Variants in FLNA observed in about 807,000 individuals in gnomAD.
FLNA encodes the protein filamin-A.
In FLNA, 7 loss-of-function variants were observed where a neutral mutation model predicts 157.6. That is an observed-to-expected ratio of 0.04 (90% confidence interval 0.03 to 0.08). The LOEUF is 0.08. FLNA is among the 10% of genes least tolerant of loss of function. The probability of loss-of-function intolerance (pLI) is 1.00; values close to 1 mark genes in which losing one functional copy is unlikely to be tolerated. For synonymous variants in FLNA, 1,103 were observed against 1,060.8 expected (o/e 1.04, Z -0.77); for missense variants, 1,750 against 2,398.4 (o/e 0.73, Z 5.65).
At chrX:154,363,575 G>C (rs782175003) in intron 15 of FLNA, among the ~76,000 whole-genome samples, 1 of 110,158 alleles carries the variant, frequency 9.1e-6, no homozygotes, top group Non-Finnish European at 1.9e-5. Context: ...TTAGCCGGGG[G>C]GGTGGCGGGC....
In FLNA at chrX:154,354,174, C is replaced by T. The variant is rs782193125; in HGVS notation, c.5534G>A (p.Arg1845His). Residue 1845 changes from arginine (R) to histidine (H), a missense_variant, in exon 34 of 48, where the codon CGC becomes CAC. Coordinates refer to ENST00000369850, the MANE Select transcript of FLNA (RefSeq NM_001110556.2). ...ACCTGGGATGTGCATGTTGTCATAG[C>T]GGATGTCCATCTCGTGCAGGCCAGC... ...SEAGLHEMDI[R>H]YDNMHIPGSP... is the part of the protein sequence containing the mutation. 73 of 1,210,753 alleles carry T rather than the reference C, an allele frequency of 6.0e-5. No individual in the cohort carries two copies. Among genetic ancestry groups the T allele is most frequent in the East Asian group, 3.0e-5 (1 of 33,800 alleles).
intron 1 of FLNA, 82 bp downstream of exon 1, chrX:154,374,424 T>A (rs1557180952): frequency 8.9e-6 from 1 of 112,632 alleles, no homozygotes; most frequent in East Asian, 2.8e-4. Context: ...CCGGCCTCTC[T>A]GCCCGCCTTC....
rs144968452 is a variant in FLNA at position 154,359,975 on chromosome X, G to A, written c.3805+15C>T. The A allele has an allele frequency of 4.4e-3, 5,294 of 1,204,116 alleles. 149 individuals are homozygous for A. The African/African-American group carries it at 0.079, about 18-fold the overall frequency. On this transcript the variant is annotated intron_variant, in intron 22 of 47. Transcript: ENST00000369850. ...CCCTGTCCCCCGTCACATACCCCAC[G>A]GCAGGGCAACTCACCCTGGCCCTCA... is the stretch of plus-strand genomic sequence containing the variant.
At chrX:154,365,876 G>C (rs973546014) in intron 9 of FLNA, 148 bp downstream of exon 9, 29 of 489,411 alleles carry the variant, frequency 5.9e-5, no homozygotes, top group African/African-American at 5.5e-4. Flanking sequence ...CCCAGCAGGG[G>C]AGGAAAAACA....
At position 154,358,248 on chromosome X, in the gene FLNA, G is replaced by A; in HGVS notation, c.4706C>T (p.Thr1569Ile). Reference sequence around the variant, plus strand: ...CTCCCCGGCGTCCTTTGCATCGATGGTGAACTCCACGGGCAGGCTGGCAGG... The same window carrying A: ...CTCCCCGGCGTCCTTTGCATCGATGATGAACTCCACGGGCAGGCTGGCAGG... ...GVPASLPVEF[T>I]IDAKDAGEGL... Residue 1569 changes from threonine (T) to isoleucine (I), a missense_variant, in exon 28 of 48, where the codon ACC becomes ATC. Physicochemically the swap from Thr to Ile is moderately conservative, Grantham distance 89 (BLOSUM62 -1). This residue lies in a region of FLNA where 970 missense variants were observed against 1,302.6 expected (regional missense o/e 0.74). Transcript: ENST00000369850. 8.3e-7 allele frequency: 1 copy of A among 1,211,110 alleles called. No homozygotes were observed. The highest frequency in any genetic ancestry group is 1.7e-5 in the African/African-American group (1 of 57,874).
In FLNA at chrX:154,371,302, T is replaced by C. The variant is rs1557180330; in HGVS notation, c.-57A>G. The C allele has an allele frequency of 8.5e-6, 10 of 1,175,734 alleles. No homozygotes were observed. The highest frequency in any genetic ancestry group is 1.1e-5 in the Non-Finnish European group (10 of 881,555). ...TGCAGCCTCGGCGAGGGGACGGCCC[T>C]TTAATTAAAGTCGCAGGCACCTAGG... On this transcript the variant is annotated 5_prime_UTR_variant, in exon 2 of 48. Transcript: ENST00000369850.
At position 154,366,170 on chromosome X, in the gene FLNA, C is replaced by T. The variant is rs912205424; in HGVS notation, c.1283G>A (p.Gly428Asp). ...GGCCTCCAGCTGAGGCTCTACCGTG[C>T]CCTTCTGTCCCATGGGGTCCTGGAT... ...VVIQDPMGQK[G>D]TVEPQLEARG... is the part of the protein sequence containing the mutation. Residue 428 changes from glycine (G) to aspartate (D), a missense_variant, in exon 9 of 48, where the codon GGC becomes GAC. Physicochemically the swap from Gly to Asp is moderately conservative, Grantham distance 94 (BLOSUM62 -1). Transcript: ENST00000369850. 1.7e-6 allele frequency: 2 copies of T among 1,209,593 alleles called. No individual in the cohort carries two copies. The highest frequency in any genetic ancestry group is 3.5e-5 in the African/African-American group (2 of 57,467).
chrX:154,356,870 T>C (rs782347726), intron 30 of FLNA, among the ~76,000 whole-genome samples: 175 of 111,981 alleles, frequency 1.6e-3, no homozygotes, highest in African/African-American at 5.5e-3. Flanking sequence ...GGGCTCCCAT[T>C]GAGTTGGGGA....
Position 154,354,680 on chromosome X carries a change from G to T in FLNA, c.5249C>A (p.Pro1750His), listed in dbSNP as rs975808762. ...GGCCAGCTGCTGAGACCGTAGAGGG[G>T]GCTGCACCGAGGGCTGGTCCCCAGC... ...ALAGDQPSVQ[P>H]PLRSQQLAPQ... The change falls in exon 32 of 48, where the codon CCC (proline) becomes CAC (histidine). Residue 1750 changes from proline to histidine, a missense_variant. Coordinates refer to ENST00000369850, the MANE Select transcript of FLNA (RefSeq NM_001110556.2). 1 of 1,207,721 alleles carries T rather than the reference G, an allele frequency of 8.3e-7. No homozygotes were observed. The highest frequency in any genetic ancestry group is 2.2e-5 in the Admixed American group (1 of 45,764).
At chrX:154,356,030 G>A (rs1158297632) in intron 30 of FLNA, among the ~76,000 whole-genome samples, 2 of 112,391 alleles carry the variant, frequency 1.8e-5, no homozygotes, top group Non-Finnish European at 3.8e-5. Context: ...ATGCTGGCCT[G>A]CCGCGGCCAG....
At chrX:154,358,617 A>G (rs1370988973) in intron 26 of FLNA, 49 bp from the exon 27 acceptor site, 2 of 1,189,052 alleles carry the variant, frequency 1.7e-6, no homozygotes, top group Non-Finnish European at 2.3e-6. Flanking sequence ...CTGGGCCTCC[A>G]TTCCTACCCC....
rs1557178734 is a variant in FLNA at position 154,364,529 on chromosome X, G to T, written c.2019C>A (p.Asp673Glu). Residue 673 changes from aspartate (D) to glutamate (E), a missense_variant, in exon 13 of 48, where the codon GAC becomes GAA. Around this residue, in one of 5 missense-constraint regions of FLNA, gnomAD observed 648 missense variants for 805.8 expected, o/e 0.80. Transcript: ENST00000369850. ...GCCATCACAGCCTGCTCTTTACCCT[G>T]TCTGGGTGGAAGTCCTGGGGCGCGT... ...IRDAPQDFHP[D>E]RVKARGPGLE... 8.3e-7 allele frequency: 1 copy of T among 1,207,088 alleles called. No individual in the cohort carries two copies. Among genetic ancestry groups the T allele is most frequent in the Admixed American group, 2.2e-5 (1 of 45,627 alleles).
At chrX:154,351,127 G>A (rs782350817) in intron 43 of FLNA, 86 bp from the exon 44 acceptor site, 74 of 1,056,675 alleles carry the variant, frequency 7.0e-5, no homozygotes, top group Admixed American at 1.8e-4. Flanking sequence ...AGAGGCCCGC[G>A]GGTCGCACTT....
Position 154,358,191 on chromosome X carries a change from G to A in FLNA, c.4755+8C>T, listed in dbSNP as rs2050036287. On this transcript the variant is annotated splice_region_variant and intron_variant, in intron 28 of 47. Coordinates refer to ENST00000369850, the MANE Select transcript of FLNA (RefSeq NM_001110556.2). Reference sequence around the variant, plus strand: ...CCCCTGCCTCCCCTGCCTGTGCCCGGAGCTCACCGTGATCTGGACAGCCAG... The same window carrying A: ...CCCCTGCCTCCCCTGCCTGTGCCCGAAGCTCACCGTGATCTGGACAGCCAG... 2.5e-6 allele frequency: 3 copies of A among 1,209,945 alleles called. No homozygotes were observed. The highest frequency in any genetic ancestry group is 3.4e-6 in the Non-Finnish European group (3 of 895,031).
intron 44 of FLNA, chrX:154,350,689 T>C (rs1307766316): frequency 4.6e-6 from 2 of 431,191 alleles, no homozygotes; most frequent in Non-Finnish European, 8.2e-6. Flanking sequence ...CCTGTGGAGA[T>C]GGCATGGTAC....
At chrX:154,361,039 T>A (rs782181304) in intron 21 of FLNA, among the ~76,000 whole-genome samples, 44 of 42,375 alleles carry the variant, frequency 1.0e-3, no homozygotes, top group African/African-American at 4.8e-3. Context: ...AGAGTGAGAC[T>A]CTTTCTCAAA....
intron 9 of FLNA, 107 bp downstream of exon 9, chrX:154,365,917 G>C (rs2067755057): frequency 2.8e-6 from 2 of 725,381 alleles, no homozygotes; most frequent in Admixed American, 6.5e-5. Context: ...AGCTCAAAGA[G>C]TAGGGGCCCC....
At chrX:154,354,525 G>C (rs781909924) in intron 32 of FLNA, 42 bp from the exon 33 acceptor site, 6 of 1,177,506 alleles carry the variant, frequency 5.1e-6, no homozygotes, top group Non-Finnish European at 5.8e-6. Flanking sequence ...ACAGTGGGAG[G>C]ATCTGGGGTC....
chrX:154,353,776 G>A (rs2067641127), intron 35 of FLNA, 49 bp from the exon 36 acceptor site: 1 of 1,196,221 alleles, frequency 8.4e-7, no homozygotes. Flanking sequence ...GGACACTCCA[G>A]TTGGCCTGCA....
Sources: allele counts gnomAD v4.1 joint callset (sites outside exome capture counted in the v4.1 genomes callset), GRCh38; gene constraint gnomAD v4.1.1; regional missense constraint gnomAD v4.1.1; transcripts MANE v1.5; gene names NCBI Gene and HGNC (gene_info 2026-07-23, HGNC 2026-07-21).